The following ATP2A2 variants were observed in gnomAD, a reference collection of about 807,000 sequenced individuals.
ATP2A2 encodes the protein sarcoplasmic/endoplasmic reticulum calcium ATPase 2.
A neutral mutation model predicts 109.3 loss-of-function variants in ATP2A2; 14 were observed. That is an observed-to-expected ratio of 0.13 (90% CI 0.08 to 0.20). The LOEUF is 0.20. Ranked by LOEUF, ATP2A2 falls within the 10% of genes least tolerant of loss-of-function variation. The pLI, the probability that ATP2A2 is intolerant of heterozygous loss-of-function variation, is 1.00. For missense variants in ATP2A2, 657 were observed against 1,321.6 expected (o/e 0.50, Z 7.80); for synonymous variants, 506 against 490.9 (o/e 1.03, Z -0.41).
chr12:110,282,397 A>G (rs965281490), intron 1 of ATP2A2, among the ~76,000 whole-genome samples: 2 of 152,238 alleles, frequency 1.3e-5, no homozygotes, highest in African/African-American at 4.8e-5. Context: ...TTGATTACAA[A>G]GAGTGCATGC....
intron 3 of ATP2A2, among the ~76,000 whole-genome samples, chr12:110,291,714 C>A (rs759474479): frequency 6.8e-6 from 1 of 147,662 alleles, no homozygotes; most frequent in East Asian, 2.0e-4. Context: ...AGTACACTCA[C>A]GGCTCACTGC....
chr12:110,339,826 A>G lies in ATP2A2; in HGVS notation c.1761+105A>G. On this transcript the variant is annotated intron_variant, in intron 13 of 19. Coordinates refer to ENST00000539276, the MANE Select transcript of ATP2A2 (RefSeq NM_170665.4). The surrounding 1 kb of genome is among the most constrained non-coding windows in gnomAD (Gnocchi z 4.4). ...AAACAGTTCTCACTTTTGCCAAGAA[A>G]GAGGTGTGGTTATTTGTTTTTCTGC... is the stretch of plus-strand genomic sequence containing the variant. The G allele has an allele frequency of 7.8e-7, 1 of 1,277,546 alleles. No homozygotes were observed. The highest frequency in any genetic ancestry group is 1.3e-5 in the South Asian group (1 of 78,318). The allele number at this position is 1,277,546 out of a possible 1,614,324, so 79.1% of individuals were successfully genotyped here. A position where few individuals can be genotyped will look rare whatever the true frequency, so the allele number is the denominator to read the frequency against.
intron 11 of ATP2A2, chr12:110,334,437 C>T (rs1477720773): frequency 8.7e-6 from 4 of 457,214 alleles, no homozygotes; most frequent in East Asian, 4.4e-5. Context: ...GCCACCTCCT[C>T]CCAACATCTT....
intron 16 of ATP2A2, among the ~76,000 whole-genome samples, chr12:110,344,548 TAC>T (rs1879659219): frequency 6.6e-6 from 1 of 152,050 alleles, no homozygotes; most frequent in Non-Finnish European, 1.5e-5. Flanking sequence ...TTACATGGAG[TAC>T]ACACACACTT....
At chr12:110,311,684 A>G (rs938105839) in intron 5 of ATP2A2, among the ~76,000 whole-genome samples, 1 of 150,850 alleles carries the variant, frequency 6.6e-6, no homozygotes, top group East Asian at 1.9e-4. Flanking sequence ...GTGGGCCACA[A>G]CAATCTCTGT....
intron 5 of ATP2A2, among the ~76,000 whole-genome samples, chr12:110,315,740 A>G (rs895961534): frequency 2.0e-5 from 3 of 152,182 alleles, no homozygotes; most frequent in Non-Finnish European, 4.4e-5. Context: ...TGGGAGTTCG[A>G]GACCAGCCTG....
rs989413455 is a variant in ATP2A2 at position 110,281,625 on chromosome 12, C to T, written c.-165C>T. The T allele has an allele frequency of 1.7e-5, 7 of 410,952 alleles. No individual in the cohort carries two copies. The highest frequency in any genetic ancestry group is 3.0e-5 in the Non-Finnish European group (7 of 234,822). 25.5% of individuals were successfully genotyped at this position (410,952 alleles called of 1,614,324 possible). A position where few individuals can be genotyped will look rare whatever the true frequency, so the allele number is the denominator to read the frequency against. ...GGGCGGTTGTCTGGGGGAGGGGGCG[C>T]GGGGTGATTCAGCGCCCGGCGAGGC... On this transcript the variant is annotated 5_prime_UTR_variant, in exon 1 of 20. Transcript: ENST00000539276.
At chr12:110,312,289 T>A (rs117293389) in intron 5 of ATP2A2, among the ~76,000 whole-genome samples, 4,204 of 152,246 alleles carry the variant, frequency 0.028, 85 homozygotes, top group Middle Eastern at 0.082. Flanking sequence ...GGGGATGTTG[T>A]TAAAATGTAT....
chr12:110,317,499 C>T (rs1192213546), intron 5 of ATP2A2, among the ~76,000 whole-genome samples: 1 of 152,038 alleles, frequency 6.6e-6, no homozygotes, highest in Non-Finnish European at 1.5e-5. Flanking sequence ...CAACCTCAGC[C>T]TCCAAGTAGC....
intron 6 of ATP2A2, among the ~76,000 whole-genome samples, chr12:110,323,785 C>CT (rs1877489234): frequency 6.6e-6 from 1 of 152,156 alleles, no homozygotes; most frequent in Non-Finnish European, 1.5e-5. Context: ...GAGCAAGACT[C>CT]TGTCTCCAAA....
At chr12:110,305,043 C>T (rs1245469402) in intron 5 of ATP2A2, among the ~76,000 whole-genome samples, 3 of 152,034 alleles carry the variant, frequency 2.0e-5, no homozygotes, top group Non-Finnish European at 4.4e-5. Flanking sequence ...AAGCGATTCT[C>T]CCGCCTCAGT....
intron 5 of ATP2A2, among the ~76,000 whole-genome samples, chr12:110,309,173 T>TTTTG (rs1875723207): frequency 7.5e-6 from 1 of 133,396 alleles, no homozygotes; most frequent in Non-Finnish European, 1.6e-5. Context: ...TTTTTTTTTT[T>TTTTG]TTGAGATGGA....
chr12:110,343,172 TTAAA>T, intron 15 of ATP2A2, 56 bp from the exon 16 acceptor site: 1 of 1,564,048 alleles, frequency 6.4e-7, no homozygotes, highest in South Asian at 1.1e-5. Flanking sequence ...ATGATGCTCT[TTAAA>T]TAGTGGCCAG....
At chr12:110,307,099 C>T (rs370836031) in intron 5 of ATP2A2, among the ~76,000 whole-genome samples, 5 of 151,980 alleles carry the variant, frequency 3.3e-5, no homozygotes, top group Non-Finnish European at 5.9e-5. Flanking sequence ...GTAATGGGAT[C>T]GCTGGGTTGA....
Position 110,281,782 on chromosome 12 carries a change from C to T in ATP2A2, c.-8C>T, listed in dbSNP as rs1872113908. ...ACGGGAGGCGAGGCCGGCCGGGCCC[C>T]CGAAGCCATGGAGAACGCGCACACC... On this transcript the variant is annotated 5_prime_UTR_variant, in exon 1 of 20. Transcript: ENST00000539276. The T allele has an allele frequency of 2.0e-6, 3 of 1,497,740 alleles. No homozygotes were observed. Among genetic ancestry groups the T allele is most frequent in the East Asian group, 2.8e-5 (1 of 36,154 alleles). 92.8% of individuals were successfully genotyped at this position (1,497,740 alleles called of 1,614,324 possible).
intron 8 of ATP2A2, among the ~76,000 whole-genome samples, chr12:110,328,919 G>A (rs1878067982): frequency 6.6e-6 from 1 of 152,162 alleles, no homozygotes; most frequent in African/African-American, 2.4e-5. Flanking sequence ...TAATAGACAA[G>A]TTCTAGAGAA....
intron 11 of ATP2A2, among the ~76,000 whole-genome samples, chr12:110,335,158 G>C (rs1288780993): frequency 6.6e-6 from 1 of 152,144 alleles, no homozygotes; most frequent in Non-Finnish European, 1.5e-5. Context: ...TCCTCTCAAA[G>C]AGCTGCTGCT....
chr12:110,343,156 G>T lies in ATP2A2; in HGVS notation c.2319-76G>T. 2.1e-6 allele frequency: 3 copies of T among 1,420,126 alleles called. No individual in the cohort carries two copies. The Admixed American group carries it at 5.1e-5, about 24-fold the overall frequency. The allele number at this position is 1,420,126 out of a possible 1,614,324, so 88.0% of individuals were successfully genotyped here. A position where few individuals can be genotyped will look rare whatever the true frequency, so the allele number is the denominator to read the frequency against. On this transcript the variant is annotated intron_variant, in intron 15 of 19. Transcript: ENST00000539276. ...GTCATTTATTTTTCTGGAGGAGGGC[G>T]GGTTGATGATGCTCTTTAAATAGTG...
chr12:110,317,608 C>A (rs573150028), intron 5 of ATP2A2, among the ~76,000 whole-genome samples: 4 of 152,252 alleles, frequency 2.6e-5, no homozygotes, highest in Admixed American at 1.3e-4. Flanking sequence ...AAACTCCTGA[C>A]CTCAAATGCT....
Sources: gnomAD v4.1 joint callset for allele counts (sites outside exome capture counted in the v4.1 genomes callset) on GRCh38, gnomAD v4.1.1 for gene constraint, Gnocchi (gnomAD v3.1) non-coding constraint, MANE v1.5 for transcripts, NCBI Gene and HGNC (gene_info 2026-07-23, HGNC 2026-07-21) for gene names.